Variants in HSD17B12 observed in about 807,000 individuals in gnomAD.
The protein encoded by HSD17B12 is very-long-chain 3-oxoacyl-CoA reductase.
In HSD17B12, 32 loss-of-function variants were observed where a neutral mutation model predicts 39.3. The ratio of observed to expected loss-of-function variants is 0.81; its 90% CI spans 0.61 to 1.09. HSD17B12 has a LOEUF of 1.09. HSD17B12 is among the 50% of genes least tolerant of loss of function. The pLI is 0.00. For synonymous variants in HSD17B12, 150 were observed against 146.7 expected (o/e 1.02, Z -0.16); for missense variants, 342 against 382.9 (o/e 0.89, Z 0.89).
At chr11:43,708,471 A>C (rs556371898) in intron 1 of HSD17B12, among the ~76,000 whole-genome samples, 1 of 152,330 alleles carries the variant, frequency 6.6e-6, no homozygotes, top group South Asian at 2.1e-4. Context: ...CTGTGAATGA[A>C]ATGCTGAATT....
At chr11:43,580,078 G>GA in the HSD17B12 span, among the ~76,000 whole-genome samples, 59 of 133,014 alleles carry the variant, frequency 4.4e-4, no homozygotes, top group East Asian at 9.1e-4. Flanking sequence ...GGGGGGGGGA[G>GA]GGGCAGGAGA....
intron 4 of HSD17B12, among the ~76,000 whole-genome samples, chr11:43,810,439 T>A (rs900494809): frequency 3.3e-5 from 5 of 149,786 alleles, no homozygotes; most frequent in Non-Finnish European, 7.4e-5. Context: ...TCTGTGTCTT[T>A]AAAATGCAAC....
At chr11:43,619,897 C>T in the HSD17B12 span, among the ~76,000 whole-genome samples, 1 of 152,174 alleles carries the variant, frequency 6.6e-6, no homozygotes, top group African/African-American at 2.4e-5. Context: ...CTTTTCAAAC[C>T]TTGCTGCATT....
chr11:43,580,325 G>T, the HSD17B12 span, among the ~76,000 whole-genome samples: 1 of 144,696 alleles, frequency 6.9e-6, no homozygotes, highest in African/African-American at 2.6e-5. Context: ...GTCAATGACG[G>T]GTTCGCCCCT....
At chr11:43,821,236 T>A (rs1951179915) in intron 6 of HSD17B12, among the ~76,000 whole-genome samples, 1 of 152,222 alleles carries the variant, frequency 6.6e-6, no homozygotes, top group Non-Finnish European at 1.5e-5. Flanking sequence ...CAATGGGCTC[T>A]CCCTTTACAA....
the HSD17B12 span, among the ~76,000 whole-genome samples, chr11:43,669,499 T>TC: frequency 7.5e-6 from 1 of 132,518 alleles, no homozygotes; most frequent in African/African-American, 2.8e-5. Context: ...AGACTCTGTT[T>TC]CAAAAAAAAA....
intron 3 of HSD17B12, among the ~76,000 whole-genome samples, chr11:43,775,993 T>G (rs1950699260): frequency 6.6e-6 from 1 of 152,220 alleles, no homozygotes; most frequent in Non-Finnish European, 1.5e-5. Context: ...CACATTTTCT[T>G]AATCCAGTCT....
the HSD17B12 span, among the ~76,000 whole-genome samples, chr11:43,582,208 C>T: frequency 3.4e-4 from 52 of 152,302 alleles, 1 homozygote; most frequent in South Asian, 0.01. Flanking sequence ...ACTGGGGAAG[C>T]CCCCGCAGAG....
intron 4 of HSD17B12, among the ~76,000 whole-genome samples, chr11:43,809,787 C>T (rs1400251266): frequency 2.0e-5 from 3 of 152,164 alleles, no homozygotes; most frequent in Admixed American, 6.5e-5. Context: ...CATTGCACTC[C>T]AGCCTGGGCA....
intron 4 of HSD17B12, among the ~76,000 whole-genome samples, chr11:43,814,004 T>G (rs1199826181): frequency 1.3e-5 from 2 of 152,182 alleles, no homozygotes; most frequent in Non-Finnish European, 2.9e-5. Context: ...GAAAAGTTAT[T>G]ATTACTAATA....
the HSD17B12 span, among the ~76,000 whole-genome samples, chr11:43,589,842 C>T: frequency 6.6e-6 from 1 of 152,190 alleles, no homozygotes; most frequent in African/African-American, 2.4e-5. Flanking sequence ...TTATTAGCTG[C>T]ATGCCCTTGA....
At chr11:43,832,654 G>A (rs1412820179) in intron 7 of HSD17B12, among the ~76,000 whole-genome samples, 1 of 152,020 alleles carries the variant, frequency 6.6e-6, no homozygotes, top group Admixed American at 6.5e-5. Context: ...TAAAGGCAAT[G>A]CAAAAAAGGA....
intron 4 of HSD17B12, 46 bp from the exon 5 acceptor site, chr11:43,815,391 T>C (rs774105893): frequency 9.5e-7 from 1 of 1,052,986 alleles, no homozygotes; most frequent in Admixed American, 1.8e-5. Context: ...AACAAATCTT[T>C]AAAATATGCA....
chr11:43,583,728 C>T, the HSD17B12 span, among the ~76,000 whole-genome samples: 19 of 152,056 alleles, frequency 1.2e-4, no homozygotes, highest in African/African-American at 1.9e-4. Context: ...GCGCATCCCA[C>T]TTAATAAAGC....
the HSD17B12 span, among the ~76,000 whole-genome samples, chr11:43,627,334 A>C: frequency 6.6e-6 from 1 of 152,116 alleles, no homozygotes; most frequent in East Asian, 1.9e-4. Flanking sequence ...TAGGTAAAAA[A>C]TTTCTAGTGA....
the HSD17B12 span, among the ~76,000 whole-genome samples, chr11:43,558,209 G>A: frequency 6.6e-6 from 1 of 152,162 alleles, no homozygotes; most frequent in Admixed American, 6.5e-5. Context: ...GAAGAGAGGT[G>A]GAGGGGTGGA....
At chr11:43,680,720 G>T, upstream of HSD17B12, 1 of 972,508 alleles carries the variant, frequency 1.0e-6, no homozygotes. Context: ...AAGTGGTGTC[G>T]GAGCAGCGCC....
At chr11:43,814,611 A>G (rs902520498) in intron 4 of HSD17B12, among the ~76,000 whole-genome samples, 3 of 152,140 alleles carry the variant, frequency 2.0e-5, no homozygotes, top group Admixed American at 6.5e-5. Context: ...TGTAGCCCCA[A>G]CTTTAAGTTA....
chr11:43,628,440 C>T, the HSD17B12 span, among the ~76,000 whole-genome samples: 1 of 152,052 alleles, frequency 6.6e-6, no homozygotes, highest in African/African-American at 2.4e-5. Context: ...ACTTCACACA[C>T]ACCCTCACCC....
Sources: allele counts gnomAD v4.1 joint callset (sites outside exome capture counted in the v4.1 genomes callset), GRCh38; gene constraint gnomAD v4.1.1; transcripts MANE v1.5; gene names NCBI Gene and HGNC (gene_info 2026-07-23, HGNC 2026-07-21).